The following DNAH11 variants were observed in gnomAD, a reference collection of about 807,000 sequenced individuals.
DNAH11 encodes the protein axonemal beta dynein heavy chain 11.
In DNAH11, 442 loss-of-function variants were observed where a neutral mutation model predicts 526.0. That is an observed-to-expected ratio of 0.84 (90% CI 0.78 to 0.91). The LOEUF is 0.91. DNAH11 is among the 40% of genes least tolerant of loss of function. The pLI, the probability that DNAH11 is intolerant of heterozygous loss-of-function variation, is 0.00. For synonymous variants in DNAH11, 2,461 were observed against 1,935.9 expected, an observed-to-expected ratio of 1.27 and a Z score of -7.12; for missense variants, 6,989 against 5,448.7, an observed-to-expected ratio of 1.28 and a Z score of -8.90.
chr7:21,883,666 C>G (rs1338433596), intron 75 of DNAH11, among the ~76,000 whole-genome samples: 1 of 152,200 alleles, frequency 6.6e-6, no homozygotes, highest in Non-Finnish European at 1.5e-5. Context: ...AACCAACATC[C>G]TTTCACAATT....
At chr7:21,640,544 C>T (rs949725210) in intron 28 of DNAH11, among the ~76,000 whole-genome samples, 9 of 151,550 alleles carry the variant, frequency 5.9e-5, no homozygotes, top group African/African-American at 2.2e-4. Context: ...ATACAGTGAA[C>T]ACTTATGTGA....
intron 28 of DNAH11, among the ~76,000 whole-genome samples, chr7:21,650,954 T>TAA (rs11296456): frequency 9.4e-5 from 14 of 148,814 alleles, no homozygotes; most frequent in Middle Eastern, 3.5e-3. Context: ...ACTGTTATTT[T>TAA]AAAAAAAAAA....
intron 54 of DNAH11, among the ~76,000 whole-genome samples, chr7:21,758,478 T>C (rs1161884773): frequency 6.6e-6 from 1 of 152,200 alleles, no homozygotes; most frequent in Non-Finnish European, 1.5e-5. Context: ...CGTGATGTGC[T>C]GAGTCCTTGG....
chr7:21,866,655 T>G lies in DNAH11; in HGVS notation c.11682T>G (p.Tyr3894Ter), dbSNP rs993621957. 1 of 1,610,654 alleles carries G rather than the reference T, an allele frequency of 6.2e-7. No individual in the cohort carries two copies. The highest frequency in any genetic ancestry group is 8.5e-7 in the Non-Finnish European group (1 of 1,178,466). Residue 3894 changes from tyrosine (Y) to a stop codon, truncating the protein, a stop_gained, in exon 71 of 82, where the codon TAT becomes TAG. Transcript: ENST00000409508. LOFTEE classifies it high-confidence loss of function. ...CAATGCGCCCTGACAGAATGACGTA[T>G]GCTCTCAGGTGGGGTGGTCAGCATT... ...LRAMRPDRMT[Y>*]ALRNFVEEKL...
At chr7:21,670,455 G>A (rs1304502559) in intron 30 of DNAH11, among the ~76,000 whole-genome samples, 1 of 152,078 alleles carries the variant, frequency 6.6e-6, no homozygotes, top group Non-Finnish European at 1.5e-5. Flanking sequence ...AGGGCTTCCT[G>A]TGTACAGAAA....
chr7:21,824,620 T>C (rs1790198425), intron 65 of DNAH11, among the ~76,000 whole-genome samples: 2 of 152,144 alleles, frequency 1.3e-5, no homozygotes, highest in Admixed American at 1.3e-4. Context: ...TCAACATCAT[T>C]AGTCATCGGG....
intron 2 of DNAH11, among the ~76,000 whole-genome samples, chr7:21,552,593 T>C (rs1783063012): frequency 6.6e-6 from 1 of 152,190 alleles, no homozygotes; most frequent in Non-Finnish European, 1.5e-5. Flanking sequence ...AATTAAAAGA[T>C]TATCTGTGTA....
chr7:21,684,220 AC>A (rs996910570), intron 32 of DNAH11, among the ~76,000 whole-genome samples: 11 of 151,982 alleles, frequency 7.2e-5, no homozygotes, highest in African/African-American at 2.7e-4. Context: ...ACCTCCCTCC[AC>A]CCCCACAGGA....
At chr7:21,777,398 G>A (rs908040688) in intron 56 of DNAH11, among the ~76,000 whole-genome samples, 3 of 146,802 alleles carry the variant, frequency 2.0e-5, no homozygotes, top group African/African-American at 7.5e-5. Context: ...CCGTGTACAG[G>A]TTTTTTTTTT....
At position 21,559,079 on chromosome 7, in the gene DNAH11, A is replaced by G. The variant is rs1783337915; in HGVS notation, c.692+81A>G. 5 of 1,234,066 alleles carry G rather than the reference A, an allele frequency of 4.1e-6. No homozygotes were observed. The South Asian group carries it at 4.6e-5, about 11-fold the overall frequency. 76.4% of individuals were successfully genotyped at this position (1,234,066 alleles called of 1,614,324 possible). On this transcript the variant is annotated intron_variant, in intron 3 of 81. Coordinates refer to ENST00000409508, the MANE Select transcript of DNAH11 (RefSeq NM_001277115.2). ...GTGGCTCATGCCTATAATCCCAGCA[A>G]TTTGGAGGCTGAGGTGGGAGGGTTG... is the stretch of plus-strand genomic sequence containing the variant.
intron 72 of DNAH11, 95 bp from the exon 73 acceptor site, chr7:21,868,769 C>G: frequency 6.8e-7 from 1 of 1,466,494 alleles, no homozygotes; most frequent in Non-Finnish European, 9.3e-7. Context: ...AAGATGGCTG[C>G]GGTGACCACA....
intron 69 of DNAH11, among the ~76,000 whole-genome samples, chr7:21,863,383 G>C (rs770628113): frequency 1.3e-5 from 2 of 152,110 alleles, no homozygotes; most frequent in Admixed American, 6.5e-5. Flanking sequence ...GCTGGGGTGC[G>C]GTGGTGCTAT....
intron 58 of DNAH11, among the ~76,000 whole-genome samples, chr7:21,785,640 C>G (rs537379796): frequency 6.6e-6 from 1 of 152,132 alleles, no homozygotes; most frequent in African/African-American, 2.4e-5. Flanking sequence ...AAATTTTTCT[C>G]TGAATAATTA....
Position 21,789,808 on chromosome 7 carries a change from T to TCTTTCTTCTTTCTTTC in DNAH11, c.10026+466_10026+467insCTTTCTTCTTTCTTTC. ...TTCTTTCTTTCTTTCTTTCTTTCTT[T>TCTTTCTTCTTTCTTTC]TTTCTTTCTTTCTTTCTTTCTTTCT... On this transcript the variant is annotated intron_variant, in intron 61 of 81. Coordinates refer to ENST00000409508, the MANE Select transcript of DNAH11 (RefSeq NM_001277115.2). 7.0e-4 allele frequency among the ~76,000 whole-genome samples: 24 copies of TCTTTCTTCTTTCTTTC among 34,128 alleles called. 1 individual carries two copies. Among genetic ancestry groups the TCTTTCTTCTTTCTTTC allele is most frequent in the East Asian group, 2.5e-3 (4 of 1,612 alleles). 22.4% of individuals were successfully genotyped at this position (34,128 alleles called of 152,430 possible).
intron 30 of DNAH11, among the ~76,000 whole-genome samples, chr7:21,664,491 C>T (rs1201138088): frequency 6.6e-6 from 1 of 151,880 alleles, no homozygotes; most frequent in South Asian, 2.1e-4. Flanking sequence ...GACAGTCTTG[C>T]TCTTTTTCCT....
At chr7:21,678,023 C>G (rs1782972811) in intron 30 of DNAH11, among the ~76,000 whole-genome samples, 1 of 151,940 alleles carries the variant, frequency 6.6e-6, no homozygotes, top group Non-Finnish European at 1.5e-5. Flanking sequence ...CATAGGCTAC[C>G]TTTTTATTTT....
chr7:21,656,056 G>A (rs1232850317), intron 29 of DNAH11, 75 bp downstream of exon 29: 3 of 1,449,392 alleles, frequency 2.1e-6, no homozygotes, highest in East Asian at 2.4e-5. Context: ...AGTTCAACAA[G>A]CAAAAAATTC....
At chr7:21,867,429 G>C (rs1253417548) in intron 71 of DNAH11, among the ~76,000 whole-genome samples, 2 of 152,188 alleles carry the variant, frequency 1.3e-5, no homozygotes, top group Non-Finnish European at 2.9e-5. Context: ...AATAATCCTT[G>C]CTTAATTGAG....
In DNAH11 at chr7:21,601,478, G is replaced by C. The variant is rs1785083840; in HGVS notation, c.3508G>C (p.Val1170Leu). ...ELNEGDHDGLVDIMVHLLAVR... is the reference protein window; with the variant it reads ...ELNEGDHDGLLDIMVHLLAVR... ...AAATGAAGGTGATCATGATGGTTTA[G>C]TTGACATCATGGTGCATCTTCTGGC... Residue 1170 changes from valine (V) to leucine (L), a missense_variant, in exon 18 of 82, where the codon GTT (valine) becomes CTT (leucine). By Grantham distance (32) the Val-to-Leu change is conservative. Coordinates refer to ENST00000409508, the MANE Select transcript of DNAH11 (RefSeq NM_001277115.2). The C allele has an allele frequency of 1.2e-6, 2 of 1,613,730 alleles. No homozygotes were observed. The highest frequency in any genetic ancestry group is 2.7e-5 in the African/African-American group (2 of 74,936).
Sources: gnomAD v4.1 joint callset for allele counts (sites outside exome capture counted in the v4.1 genomes callset) on GRCh38, gnomAD v4.1.1 for gene constraint, MANE v1.5 for transcripts, NCBI Gene and HGNC (gene_info 2026-07-23, HGNC 2026-07-21) for gene names.